RNF212: variants seen among roughly 807,000 people sequenced by gnomAD.
RNF212 encodes ring finger protein 212, also known as probable E3 SUMO-protein ligase RNF212.
A neutral mutation model predicts 34.7 loss-of-function variants in RNF212; 33 were observed. The observed-to-expected ratio is 0.95, with a 90% confidence interval of 0.72 to 1.27. RNF212 has a LOEUF of 1.27. RNF212 is among the 50% of genes most tolerant of loss of function. The probability of loss-of-function intolerance (pLI) is 0.00; values close to 1 mark genes in which losing one functional copy is unlikely to be tolerated. For synonymous variants in RNF212, 140 were observed against 136.1 expected (o/e 1.03, Z -0.20); for missense variants, 377 against 362.2 (o/e 1.04, Z -0.33).
Position 1,078,058 on chromosome 4 carries a change from C to T in RNF212, c.510+1585G>A, listed in dbSNP as rs1478328129. The stretch of plus-strand genomic sequence containing the variant: ...GCCTTCTTATTCTGACTCCGGGTCC[C>T]TCCATCATCCGGCTCCGGGTGTGAT... On this transcript the variant is annotated intron_variant, in intron 8 of 9. Coordinates refer to ENST00000433731, the MANE Select transcript of RNF212 (RefSeq NM_001131034.4). Among the ~76,000 whole-genome samples the T allele has an allele frequency of 2.6e-5, 4 of 152,152 alleles. 1 individual carries two copies. Among genetic ancestry groups the T allele is most frequent in the Non-Finnish European group, 5.9e-5 (4 of 68,020 alleles).
intron 3 of RNF212, among the ~76,000 whole-genome samples, chr4:1,059,903 C>T (rs914718394): frequency 2.0e-5 from 3 of 151,882 alleles, no homozygotes; most frequent in African/African-American, 2.4e-5. Flanking sequence ...AAGACCAGCC[C>T]GACCAACACA....
At chr4:1,093,287 C>T (rs780488394) in intron 3 of RNF212, 4 of 760,698 alleles carry the variant, frequency 5.3e-6, no homozygotes, top group Non-Finnish European at 5.6e-6. Flanking sequence ...GGTATTTACC[C>T]TATTAGAAAT....
chr4:1,087,894 A>G (rs1379969423), intron 4 of RNF212, among the ~76,000 whole-genome samples: 14 of 152,010 alleles, frequency 9.2e-5, no homozygotes, highest in Admixed American at 9.2e-4. Context: ...CATGATTGTA[A>G]GTTTCCTGAG....
At chr4:1,111,645 T>C (rs1213375139) in intron 1 of RNF212, among the ~76,000 whole-genome samples, 1 of 152,180 alleles carries the variant, frequency 6.6e-6, no homozygotes, top group Non-Finnish European at 1.5e-5. Flanking sequence ...TCTCCCACAG[T>C]TTCTATCTCC....
chr4:1,073,648 G>T lies in RNF212; in HGVS notation c.525C>A (p.Ala175=). ...PSPIRKSEIA[A]GPARISMISP... The stretch of plus-strand genomic sequence containing the variant: ...TAATCATGGAGATTCTCGCAGGGCC[G>T]GCTGCTATCTCAGACTAAGAATGCA... Residue 175 remains alanine, a synonymous_variant, in exon 9 of 10, where the codon GCC becomes GCA. Coordinates refer to ENST00000433731, the MANE Select transcript of RNF212 (RefSeq NM_001131034.4). 6.2e-7 allele frequency: 1 copy of T among 1,611,614 alleles called. No individual in the cohort carries two copies. Among genetic ancestry groups the T allele is most frequent in the Non-Finnish European group, 8.5e-7 (1 of 1,178,324 alleles).
At position 1,096,752 on chromosome 4, in the gene RNF212, C is replaced by T; in HGVS notation, c.246+13G>A. On this transcript the variant is annotated intron_variant, in intron 3 of 9. Coordinates refer to ENST00000433731, the MANE Select transcript of RNF212 (RefSeq NM_001131034.4). ...GCTCATCACGGAACCAAGCCACACC[C>T]CTCACAGCTCACCTGGGAGGTTTCC... 6.2e-7 allele frequency: 1 copy of T among 1,606,702 alleles called. No individual in the cohort carries two copies. Among genetic ancestry groups the T allele is most frequent in the Non-Finnish European group, 8.5e-7 (1 of 1,173,192 alleles).
chr4:1,085,509 C>G (rs1030356598), intron 5 of RNF212, among the ~76,000 whole-genome samples: 1 of 152,198 alleles, frequency 6.6e-6, no homozygotes, highest in Admixed American at 6.5e-5. Flanking sequence ...CAAACGGCTA[C>G]GACTCCTGGC....
At chr4:1,087,825 C>T (rs973934546) in intron 4 of RNF212, among the ~76,000 whole-genome samples, 1 of 151,810 alleles carries the variant, frequency 6.6e-6, no homozygotes, top group African/African-American at 2.4e-5. Context: ...TGGCAGTTCC[C>T]CTCCACCCCC....
At chr4:1,108,313 A>T in intron 2 of RNF212, 30 bp downstream of exon 2, 1 of 1,380,520 alleles carries the variant, frequency 7.2e-7, no homozygotes, top group Non-Finnish European at 9.8e-7. Flanking sequence ...GACTGTGATT[A>T]AGATGCAGAT....
intron 3 of RNF212, among the ~76,000 whole-genome samples, chr4:1,063,694 CAAA>C (rs61295899): frequency 0.054 from 7,096 of 131,376 alleles, 211 homozygotes; most frequent in Middle Eastern, 0.088. Flanking sequence ...GACTCAGTCT[CAAA>C]AAAAAAAAAA....
At chr4:1,099,853 G>A (rs1345442651) in intron 2 of RNF212, 1 of 456,132 alleles carries the variant, frequency 2.2e-6, no homozygotes, top group East Asian at 6.9e-5. Flanking sequence ...CCCTGTGCGG[G>A]ATCCACGGGG....
Position 1,073,681 on chromosome 4 carries a change from A to G in RNF212, c.511-19T>C. Reference sequence around the variant, plus strand: ...TCTCAGACTAAGAATGCAACAAGAAAACAATGGGTAAAATTCCAATATTGC... The same window carrying G: ...TCTCAGACTAAGAATGCAACAAGAAGACAATGGGTAAAATTCCAATATTGC... On this transcript the variant is annotated intron_variant, in intron 8 of 9. Transcript: ENST00000433731. 1.9e-6 allele frequency: 3 copies of G among 1,580,958 alleles called. No individual in the cohort carries two copies. Among genetic ancestry groups the G allele is most frequent in the Non-Finnish European group, 1.7e-6 (2 of 1,150,708 alleles).
intron 8 of RNF212, among the ~76,000 whole-genome samples, chr4:1,077,223 C>G (rs1030707391): frequency 6.6e-6 from 1 of 152,200 alleles, no homozygotes; most frequent in African/African-American, 2.4e-5. Context: ...GAGTGAGACT[C>G]TGTCTCAAAC....
chr4:1,060,576 A>G (rs13135215), intron 3 of RNF212, among the ~76,000 whole-genome samples: 123,422 of 152,168 alleles, frequency 0.81, 50,771 homozygotes, highest in African/African-American at 0.94. Context: ...AACATCTTCC[A>G]GCGCAGCGGT....
Position 1,096,954 on chromosome 4 carries a change from C to T in RNF212, c.172-115G>A, listed in dbSNP as rs376173829. ...AGCTATAGATGACTCAAGTGGCCAG[C>T]ACATTGTGAATGGCCTCTCAGGGGC... On this transcript the variant is annotated intron_variant, in intron 2 of 9. Transcript: ENST00000433731. 21 of 801,028 alleles carry T rather than the reference C, an allele frequency of 2.6e-5. No individual in the cohort carries two copies. In the African/African-American group the frequency reaches 3.3e-4, roughly 13 times the overall value. The allele number at this position is 801,028 out of a possible 1,614,324, so 49.6% of individuals were successfully genotyped here.
rs762081954 is a variant in RNF212 at position 1,108,417 on chromosome 4, A to G, written c.110-13T>C. The G allele has an allele frequency of 9.9e-6, 14 of 1,413,106 alleles. No individual in the cohort carries two copies. Among genetic ancestry groups the G allele is most frequent in the Non-Finnish European group, 1.3e-5 (14 of 1,055,494 alleles). 87.5% of individuals were successfully genotyped at this position (1,413,106 alleles called of 1,614,324 possible). On this transcript the variant is annotated splice_polypyrimidine_tract_variant and intron_variant, in intron 1 of 9. Transcript: ENST00000433731. Reference sequence around the variant, plus strand: ...TCATTCTTTTTACCTATAAAATAAAAATAGGCTTTATTATATTAGACTGAC... The same window carrying G: ...TCATTCTTTTTACCTATAAAATAAAGATAGGCTTTATTATATTAGACTGAC...
chr4:1,105,198 C>G (rs182709108), intron 2 of RNF212, among the ~76,000 whole-genome samples: 12 of 152,316 alleles, frequency 7.9e-5, no homozygotes, highest in Admixed American at 5.2e-4. Flanking sequence ...CTCCTTTCCA[C>G]GTGTGTGTGT....
rs1457469455 is a variant in RNF212, at chr4:1,077,366, G to C, written c.510+2277C>G. Among the ~76,000 whole-genome samples the C allele has an allele frequency of 2.6e-5, 4 of 152,214 alleles. No homozygotes were observed. The East Asian group carries it at 7.7e-4, about 29-fold the overall frequency. The stretch of plus-strand genomic sequence containing the variant: ...ATTTCCAACAGTAGCACCTAGTGAA[G>C]TGTCAATCAATTTAGCCTGCCAGTC... On this transcript the variant is annotated intron_variant, in intron 8 of 9. Coordinates refer to ENST00000433731, the MANE Select transcript of RNF212 (RefSeq NM_001131034.4).
upstream of RNF212, chr4:1,113,650 T>A: frequency 2.1e-6 from 1 of 484,858 alleles, no homozygotes; most frequent in Non-Finnish European, 3.6e-6. Context: ...CCGCAGCACC[T>A]GGGAGGGCGC....
Sources: gnomAD v4.1 joint callset for allele counts (sites outside exome capture counted in the v4.1 genomes callset) on GRCh38, gnomAD v4.1.1 for gene constraint, MANE v1.5 for transcripts, NCBI Gene and HGNC (gene_info 2026-07-23, HGNC 2026-07-21) for gene names.